KIAA0825: variants seen among roughly 807,000 people sequenced by gnomAD.
KIAA0825 encodes KIAA0825.
KIAA0825 carries 119 observed loss-of-function variants against 147.6 expected under a neutral mutation model. That is an observed-to-expected ratio of 0.81 (90% CI 0.69 to 0.94). KIAA0825 has a LOEUF of 0.94. KIAA0825 is among the 40% of genes least tolerant of loss of function. The probability of loss-of-function intolerance (pLI) is 0.00; values close to 1 mark genes in which losing one functional copy is unlikely to be tolerated. For synonymous variants in KIAA0825, 470 were observed against 518.1 expected (o/e 0.91, Z 1.26); for missense variants, 1,381 against 1,472.7 (o/e 0.94, Z 1.02).
chr5:94,449,964 C>G lies in KIAA0825; in HGVS notation c.2357+2995G>C, dbSNP rs527516037. The stretch of plus-strand genomic sequence containing the variant: ...GCATGGTGGCACGTGCCTGTAATCC[C>G]AGCTACTTGGGAGGCTGAGGCAGGA... On this transcript the variant is annotated intron_variant, in intron 13 of 20. Coordinates refer to ENST00000682413, the MANE Select transcript of KIAA0825 (RefSeq NM_001145678.3). Among the ~76,000 whole-genome samples the G allele has an allele frequency of 2.3e-3, 349 of 152,028 alleles. 1 individual carries two copies. The highest frequency in any genetic ancestry group is 7.0e-3 in the African/African-American group (289 of 41,448).
chr5:94,252,466 TAGAG>T (rs927581654), intron 20 of KIAA0825, among the ~76,000 whole-genome samples: 33 of 151,268 alleles, frequency 2.2e-4, no homozygotes, highest in South Asian at 1.5e-3. Context: ...TATATATATA[TAGAG>T]AGAGAGAGAG....
At chr5:94,211,832 T>C (rs1772736844) in intron 20 of KIAA0825, among the ~76,000 whole-genome samples, 1 of 152,194 alleles carries the variant, frequency 6.6e-6, no homozygotes, top group Non-Finnish European at 1.5e-5. Context: ...TCATATTTTC[T>C]TACAGAGCAT....
intron 2 of KIAA0825, chr5:94,567,508 C>T (rs76596025): frequency 6.6e-6 from 1 of 152,198 alleles, no homozygotes; most frequent in Non-Finnish European, 1.5e-5. Flanking sequence ...TTTTCCTAAT[C>T]ACCATACTAA....
At chr5:94,271,195 C>T (rs1776965700) in intron 20 of KIAA0825, among the ~76,000 whole-genome samples, 1 of 152,082 alleles carries the variant, frequency 6.6e-6, no homozygotes, top group East Asian at 1.9e-4. Context: ...CTCTCCAGGA[C>T]ATTGGACTGG....
At chr5:94,329,209 G>A (rs757212992) in intron 20 of KIAA0825, among the ~76,000 whole-genome samples, 1 of 151,852 alleles carries the variant, frequency 6.6e-6, no homozygotes, top group Non-Finnish European at 1.5e-5. Flanking sequence ...AAATAAGATA[G>A]AAACAAACTA....
chr5:94,407,968 C>T (rs1258468474), intron 15 of KIAA0825, among the ~76,000 whole-genome samples: 1 of 152,076 alleles, frequency 6.6e-6, no homozygotes, highest in Non-Finnish European at 1.5e-5. Context: ...TGTAAATAGC[C>T]ACATAATAAA....
chr5:94,228,971 T>G lies in KIAA0825; in HGVS notation c.3711-74847A>C, dbSNP rs959589666. Among the ~76,000 whole-genome samples the G allele has an allele frequency of 5.9e-5, 9 of 152,324 alleles. No homozygotes were observed. In the East Asian group the frequency reaches 1.7e-3, roughly 29 times the overall value. ...AGGCCCCACCCAGCCACTCCAAGGA[T>G]GAGAGAACCAGTTTCCCCACATTTA... On this transcript the variant is annotated intron_variant, in intron 20 of 20. Transcript: ENST00000682413.
intron 5 of KIAA0825, among the ~76,000 whole-genome samples, chr5:94,500,902 C>T (rs953304586): frequency 2.0e-5 from 3 of 152,098 alleles, no homozygotes; most frequent in Non-Finnish European, 4.4e-5. Flanking sequence ...CTCAGTCTCC[C>T]TAGTAGCTGG....
chr5:94,317,233 C>G (rs2150229415), intron 20 of KIAA0825, among the ~76,000 whole-genome samples: 1 of 151,910 alleles, frequency 6.6e-6, no homozygotes, highest in East Asian at 1.9e-4. Flanking sequence ...GAGCCATTTC[C>G]CTGATGGAAA....
At chr5:94,433,570 G>C (rs1424622293) in intron 14 of KIAA0825, among the ~76,000 whole-genome samples, 15 of 152,194 alleles carry the variant, frequency 9.9e-5, no homozygotes, top group Non-Finnish European at 7.3e-5. Flanking sequence ...AATGGAAACA[G>C]AATTTGAAAG....
intron 20 of KIAA0825, among the ~76,000 whole-genome samples, chr5:94,337,786 G>A (rs1444569667): frequency 1.3e-5 from 2 of 152,156 alleles, no homozygotes; most frequent in Non-Finnish European, 2.9e-5. Flanking sequence ...AATCAGACTG[G>A]AGCTACAGGC....
intron 5 of KIAA0825, among the ~76,000 whole-genome samples, chr5:94,512,731 A>C (rs1412728176): frequency 6.6e-6 from 1 of 151,970 alleles, no homozygotes; most frequent in South Asian, 2.1e-4. Flanking sequence ...CCCCATCTCT[A>C]CTAAAAATAC....
At chr5:94,417,967 C>T (rs1174631834) in intron 14 of KIAA0825, among the ~76,000 whole-genome samples, 1 of 152,082 alleles carries the variant, frequency 6.6e-6, no homozygotes, top group East Asian at 1.9e-4. Flanking sequence ...TCCTTTTCAA[C>T]CCTCCTTTGG....
chr5:94,492,202 C>T (rs1285358610), intron 5 of KIAA0825, among the ~76,000 whole-genome samples: 3 of 152,154 alleles, frequency 2.0e-5, no homozygotes, highest in South Asian at 2.1e-4. Flanking sequence ...GGTGGCATAG[C>T]GGAGGGGCTA....
chr5:94,538,827 G>A (rs928311517), intron 2 of KIAA0825, among the ~76,000 whole-genome samples: 13 of 152,168 alleles, frequency 8.5e-5, no homozygotes, highest in African/African-American at 3.1e-4. Flanking sequence ...CTATCAGTGG[G>A]TATCTCCTTA....
chr5:94,574,543 C>CAAAAAAAAAAAAAAAAAAAAAAAAAA (rs1181241238), intron 2 of KIAA0825, among the ~76,000 whole-genome samples: 3 of 65,530 alleles, frequency 4.6e-5, no homozygotes, highest in African/African-American at 6.5e-5. Flanking sequence ...GACTCCATCT[C>CAAAAAAAAAAAAAAAAAAAAAAAAAA]AAAAAAAAAA....
intron 20 of KIAA0825, among the ~76,000 whole-genome samples, chr5:94,164,604 G>T (rs1767870887): frequency 6.6e-6 from 1 of 151,926 alleles, no homozygotes; most frequent in Non-Finnish European, 1.5e-5. Flanking sequence ...GTAGAGATGG[G>T]GTTTCACCGT....
At chr5:94,322,281 T>C (rs1372812595) in intron 20 of KIAA0825, among the ~76,000 whole-genome samples, 1 of 151,934 alleles carries the variant, frequency 6.6e-6, no homozygotes, top group Non-Finnish European at 1.5e-5. Context: ...TTCTGTGCCA[T>C]GGATATGTTT....
chr5:94,281,037 G>A (rs926380199), intron 20 of KIAA0825, among the ~76,000 whole-genome samples: 5 of 152,038 alleles, frequency 3.3e-5, no homozygotes, highest in African/African-American at 9.7e-5. Context: ...ATCATAAATG[G>A]TAAGAATATT....
Sources: gnomAD v4.1 joint callset for allele counts (sites outside exome capture counted in the v4.1 genomes callset) on GRCh38, gnomAD v4.1.1 for gene constraint, MANE v1.5 for transcripts, NCBI Gene and HGNC (gene_info 2026-07-23, HGNC 2026-07-21) for gene names.